MIDEAS: variants seen among roughly 807,000 people sequenced by gnomAD.
MIDEAS encodes mitotic deacetylase-associated SANT domain protein.
A neutral mutation model predicts 102.7 loss-of-function variants in MIDEAS; 26 were observed. That is an observed-to-expected ratio of 0.25 (90% confidence interval 0.19 to 0.35). MIDEAS has a LOEUF of 0.35. Among genes scored for constraint, MIDEAS ranks in the 10% least tolerant of loss-of-function variants. The probability of loss-of-function intolerance (pLI) is 1.00; values close to 1 mark genes in which losing one functional copy is unlikely to be tolerated. For missense variants in MIDEAS, 1,231 were observed against 1,435.6 expected, an observed-to-expected ratio of 0.86 and a Z score of 2.30; for synonymous variants, 585 against 591.0, an observed-to-expected ratio of 0.99 and a Z score of 0.15.
intron 1 of MIDEAS, among the ~76,000 whole-genome samples, chr14:73,785,645 G>A (rs1447271756): frequency 2.0e-5 from 3 of 152,190 alleles, no homozygotes; most frequent in Admixed American, 1.3e-4. Context: ...AGCCACCCGT[G>A]CAATTTTGCT....
upstream of MIDEAS, among the ~76,000 whole-genome samples, chr14:73,763,263 A>G (rs1012847983): frequency 1.3e-5 from 2 of 152,172 alleles, no homozygotes; most frequent in African/African-American, 4.8e-5. Flanking sequence ...GCTTGAGCCC[A>G]TGAGGTCAAG....
chr14:73,760,749 T>C (rs2053547470), upstream of MIDEAS, among the ~76,000 whole-genome samples: 1 of 152,114 alleles, frequency 6.6e-6, no homozygotes, highest in African/African-American at 2.4e-5. This position sits in a 1 kb window ranked among gnomAD's most constrained non-coding sequence, Gnocchi z 4.8. Context: ...GTGTAAAGGT[T>C]ATTGAGAAAC....
chr14:73,748,724 G>A (rs545489869), intron 1 of MIDEAS, among the ~76,000 whole-genome samples: 57 of 148,748 alleles, frequency 3.8e-4, no homozygotes, highest in Non-Finnish European at 4.9e-4. Flanking sequence ...AGCCAAGATC[G>A]CGCCACTGCA....
Position 73,739,905 on chromosome 14 carries a change from G to T in MIDEAS, c.104C>A (p.Pro35His). 6.5e-7 allele frequency: 1 copy of T among 1,548,772 alleles called. No homozygotes were observed. Among genetic ancestry groups the T allele is most frequent in the Non-Finnish European group, 8.7e-7 (1 of 1,146,922 alleles). The change falls in exon 2 of 13, where the codon CCC becomes CAC. Residue 35 changes from proline (P) to histidine (H), a missense_variant. Physicochemically the swap from Pro to His is moderately conservative, Grantham distance 77. Coordinates refer to ENST00000423556, the MANE Select transcript of MIDEAS (RefSeq NM_001367710.1). ...PKEQPPPLQPPQQSIRVKEEQ... is the reference protein window; with the variant it reads ...PKEQPPPLQPHQQSIRVKEEQ... The stretch of plus-strand genomic sequence containing the variant: ...CTCCTTCACTCTGATGGACTGCTGG[G>T]GGGGCTGCAGGGGAGGGGGCTGCTC...
intron 1 of MIDEAS, among the ~76,000 whole-genome samples, chr14:73,777,519 G>A (rs568132707): frequency 2.0e-5 from 3 of 150,688 alleles, no homozygotes; most frequent in African/African-American, 7.2e-5. Context: ...GCCCCTTTCT[G>A]CACCCCTCTC....
intron 1 of MIDEAS, among the ~76,000 whole-genome samples, chr14:73,749,152 C>T (rs2053390646): frequency 6.6e-6 from 1 of 152,184 alleles, no homozygotes; most frequent in African/African-American, 2.4e-5. Flanking sequence ...GAACACTCCA[C>T]CTAACAACAG....
At position 73,726,069 on chromosome 14, in the gene MIDEAS, G is replaced by A. The variant is rs755107534; in HGVS notation, c.2449C>T (p.Pro817Ser). The A allele has an allele frequency of 1.9e-5, 30 of 1,598,882 alleles. No homozygotes were observed. The highest frequency in any genetic ancestry group is 2.6e-5 in the Non-Finnish European group (30 of 1,173,726). The change falls in exon 8 of 13, where the codon CCC (proline) becomes TCC (serine). Residue 817 changes from proline to serine, a missense_variant. Pro to Ser is a moderately conservative substitution (Grantham distance 74, BLOSUM62 -1). Coordinates refer to ENST00000423556, the MANE Select transcript of MIDEAS (RefSeq NM_001367710.1). ...TAAGTTGCCAGCGGATGGTTGTGGG[G>A]CCGCAGGGGCTTCTTCAGCAGCAGC... is the stretch of plus-strand genomic sequence containing the variant. ...NKLLLKKPLR[P>S]HNHPLATYHY...
At chr14:73,773,637 A>G (rs1321139464) in intron 1 of MIDEAS, among the ~76,000 whole-genome samples, 1 of 151,936 alleles carries the variant, frequency 6.6e-6, no homozygotes, top group African/African-American at 2.4e-5. Context: ...TGCAAACAAT[A>G]TAAGCCCTGT....
At chr14:73,748,266 G>A (rs1242994637) in intron 1 of MIDEAS, among the ~76,000 whole-genome samples, 1 of 151,962 alleles carries the variant, frequency 6.6e-6, no homozygotes, top group African/African-American at 2.4e-5. Context: ...TTGGCAGAAT[G>A]GACTTTTAAA....
chr14:73,757,642 C>T (rs1235366082), intron 1 of MIDEAS, among the ~76,000 whole-genome samples: 2 of 152,178 alleles, frequency 1.3e-5, no homozygotes, highest in Admixed American at 6.5e-5. Context: ...TTCTGGGAGA[C>T]CCAAATGCAA....
chr14:73,762,498 G>A (rs1336838906), upstream of MIDEAS, among the ~76,000 whole-genome samples: 1 of 152,226 alleles, frequency 6.6e-6, no homozygotes, highest in Non-Finnish European at 1.5e-5. Flanking sequence ...ACACATGTGT[G>A]CAGGGGAGGA....
intron 1 of MIDEAS, among the ~76,000 whole-genome samples, chr14:73,771,321 T>C (rs1191175356): frequency 2.0e-5 from 3 of 152,070 alleles, no homozygotes; most frequent in Non-Finnish European, 4.4e-5. Flanking sequence ...CCACACGCAT[T>C]CTGTCGGGCA....
chr14:73,727,066 C>T (rs1463560676), intron 5 of MIDEAS, 94 bp from the exon 6 acceptor site: 17 of 1,471,660 alleles, frequency 1.2e-5, no homozygotes, highest in Middle Eastern at 2.1e-4. Flanking sequence ...GAGGGGGAGC[C>T]GGCAGAGCAA....
chr14:73,715,432 T>C lies in MIDEAS; in HGVS notation c.*3411A>G, dbSNP rs1566576750. 6.6e-6 allele frequency: 1 copy of C among 152,664 alleles called. No individual in the cohort carries two copies. The highest frequency in any genetic ancestry group is 1.5e-5 in the Non-Finnish European group (1 of 68,046). The allele number at this position is 152,664 out of a possible 1,614,324, so 9.5% of individuals were successfully genotyped here. ...TTTCAAAATAAAAGGAATATACTTA[T>C]TTATATGCTATTAAAATATCTGTAC... On this transcript the variant is annotated 3_prime_UTR_variant, in exon 13 of 13. Transcript: ENST00000423556.
intron 1 of MIDEAS, among the ~76,000 whole-genome samples, chr14:73,786,621 C>T (rs1032626366): frequency 6.6e-6 from 1 of 152,200 alleles, no homozygotes; most frequent in African/African-American, 2.4e-5. Flanking sequence ...AGCTACTCTG[C>T]TCTTCGTCCC....
rs2052929113 is a variant in MIDEAS, at chr14:73,718,576, G to A, written c.*267C>T. The A allele has an allele frequency of 3.0e-6, 1 of 327,962 alleles. No homozygotes were observed. Among genetic ancestry groups the A allele is most frequent in the Non-Finnish European group, 5.5e-6 (1 of 182,382 alleles). The allele number at this position is 327,962 out of a possible 1,614,324, so 20.3% of individuals were successfully genotyped here. On this transcript the variant is annotated 3_prime_UTR_variant, in exon 13 of 13. Transcript: ENST00000423556. ...AGAGGCGGTGGAGTCCCTCCCGAGG[G>A]GACCGGGACTCTCCCGGTCCAGGAA...
At chr14:73,774,925 C>T (rs575522230) in intron 1 of MIDEAS, among the ~76,000 whole-genome samples, 2 of 152,138 alleles carry the variant, frequency 1.3e-5, no homozygotes, top group African/African-American at 4.8e-5. Flanking sequence ...GCCACAGATC[C>T]AAGGTGGTGG....
In MIDEAS at chr14:73,771,468, C is replaced by A. The variant is rs8014645; in HGVS notation, c.-248+15634G>T. ...CACATTCCTGGGCTGGTCACAGCAA[C>A]GGGATGATCATGGACCCTCCAAATA... On this transcript the variant is annotated intron_variant, in intron 1 of 11. Transcript: ENST00000394071. Among the ~76,000 whole-genome samples, 16 of 152,108 alleles carry A rather than the reference C, an allele frequency of 1.1e-4. No individual in the cohort carries two copies. The East Asian group carries it at 2.3e-3, about 22-fold the overall frequency.
intron 1 of MIDEAS, among the ~76,000 whole-genome samples, chr14:73,749,752 T>C (rs1344826724): frequency 6.6e-6 from 1 of 151,958 alleles, no homozygotes; most frequent in African/African-American, 2.4e-5. Flanking sequence ...CCGAAGGAAA[T>C]TTGGGAAACT....
Sources: allele counts gnomAD v4.1 joint callset (sites outside exome capture counted in the v4.1 genomes callset), GRCh38; gene constraint gnomAD v4.1.1; non-coding constraint Gnocchi (gnomAD v3.1); transcripts MANE v1.5; gene names NCBI Gene and HGNC (gene_info 2026-07-23, HGNC 2026-07-21).